Variants in UNC5B observed in about 807,000 individuals in gnomAD.
The protein encoded by UNC5B is unc-5 netrin receptor B.
UNC5B carries 56 observed loss-of-function variants against 103.7 expected under a neutral mutation model. The observed-to-expected ratio is 0.54, with a 90% CI of 0.44 to 0.67. The LOEUF (loss-of-function observed/expected upper bound fraction) is 0.67, where lower values mean the gene tolerates loss of function less well. Ranked by LOEUF, UNC5B falls within the 30% of genes least tolerant of loss-of-function variation. The pLI, the probability that UNC5B is intolerant of heterozygous loss-of-function variation, is 0.00. For synonymous variants in UNC5B, 577 were observed against 542.0 expected (o/e 1.06, Z -0.90); for missense variants, 1,194 against 1,284.5 (o/e 0.93, Z 1.08).
At chr10:71,297,379 G>T (rs952289090) in intron 15 of UNC5B, among the ~76,000 whole-genome samples, 11 of 152,336 alleles carry the variant, frequency 7.2e-5, no homozygotes, top group Middle Eastern at 3.4e-3. Context: ...GACTGGATTC[G>T]AACCCAGGTT....
intron 1 of UNC5B, among the ~76,000 whole-genome samples, chr10:71,249,618 G>A (rs1844127599): frequency 6.6e-6 from 1 of 152,104 alleles, no homozygotes; most frequent in South Asian, 2.1e-4. Flanking sequence ...CTAACTCCAG[G>A]AGAGTCCCCT....
chr10:71,293,388 C>T lies in UNC5B; in HGVS notation c.1773-17C>T. On this transcript the variant is annotated splice_polypyrimidine_tract_variant and intron_variant, in intron 11 of 16. Coordinates refer to ENST00000335350, the MANE Select transcript of UNC5B (RefSeq NM_170744.5). The stretch of plus-strand genomic sequence containing the variant: ...GAGCTCTTCACTGCCTCTCTCCTAC[C>T]CTGTGTCCTCCTCCAGCCCGCTTTC... The T allele has an allele frequency of 6.2e-7, 1 of 1,606,950 alleles. No individual in the cohort carries two copies. The highest frequency in any genetic ancestry group is 8.5e-7 in the Non-Finnish European group (1 of 1,175,818).
rs370803208 is a variant in UNC5B at position 71,285,405 on chromosome 10, G to A, written c.528G>A (p.Pro176=). ...ATGAGGTTCTCCTGCAGTGCCGCCC[G>A]CCGGAGGGGGTGCCTGTGGCCGAGG... ...LDHEVLLQCR[P]PEGVPVAEVE... The change falls in exon 4 of 17, where the codon CCG becomes CCA. Residue 176 remains proline, a synonymous_variant. Coordinates refer to ENST00000335350, the MANE Select transcript of UNC5B (RefSeq NM_170744.5). The A allele has an allele frequency of 1.9e-5, 30 of 1,604,400 alleles. No homozygotes were observed. The African/African-American group carries it at 2.0e-4, about 11-fold the overall frequency.
intron 1 of UNC5B, among the ~76,000 whole-genome samples, chr10:71,226,525 C>A (rs1434502426): frequency 1.3e-5 from 2 of 152,220 alleles, no homozygotes; most frequent in African/African-American, 4.8e-5. Context: ...CTTGTTAGTC[C>A]CGGTTTCCTC....
chr10:71,279,549 G>A (rs926381915), intron 1 of UNC5B, among the ~76,000 whole-genome samples: 31 of 152,206 alleles, frequency 2.0e-4, no homozygotes, highest in African/African-American at 7.2e-4. Context: ...TGGCCTCTCT[G>A]TCTGTAATGA....
At chr10:71,225,658 CAGGGAGTAG>C (rs1843547110) in intron 1 of UNC5B, among the ~76,000 whole-genome samples, 1 of 152,228 alleles carries the variant, frequency 6.6e-6, no homozygotes, top group Non-Finnish European at 1.5e-5. Flanking sequence ...GCAGGACCAG[CAGGGAGTAG>C]AGAGTTAGAG....
chr10:71,276,615 G>T (rs1038024496), intron 1 of UNC5B, among the ~76,000 whole-genome samples: 2 of 152,192 alleles, frequency 1.3e-5, no homozygotes, highest in Non-Finnish European at 2.9e-5. Context: ...TGTATTTTTA[G>T]TAGAGATGGG....
chr10:71,215,021 C>T (rs1361203258), intron 1 of UNC5B, among the ~76,000 whole-genome samples: 2 of 152,344 alleles, frequency 1.3e-5, no homozygotes, highest in East Asian at 3.9e-4. Flanking sequence ...TGGGGTCGGC[C>T]TGCAGCCTTC....
chr10:71,288,613 C>A lies in UNC5B; in HGVS notation c.947C>A (p.Thr316Asn), dbSNP rs1255135397. 1.2e-6 allele frequency: 2 copies of A among 1,614,066 alleles called. No individual in the cohort carries two copies. Among genetic ancestry groups the A allele is most frequent in the Non-Finnish European group, 1.7e-6 (2 of 1,180,036 alleles). ...TGGAGCAAGTGGTCAGCCTGCAGCA[C>A]TGAGTGTGCCCACTGGCGTAGCCGC... is the stretch of plus-strand genomic sequence containing the variant. Reference protein sequence around the residue: ...TEWSKWSACSTECAHWRSREC... With the variant: ...TEWSKWSACSNECAHWRSREC... The change falls in exon 7 of 17, where the codon ACT becomes AAT. Residue 316 changes from threonine to asparagine, a missense_variant. Coordinates refer to ENST00000335350, the MANE Select transcript of UNC5B (RefSeq NM_170744.5).
chr10:71,213,560 AC>A lies in UNC5B; in HGVS notation c.79+497del, dbSNP rs1421916669. Among the ~76,000 whole-genome samples, 18 of 152,184 alleles carry A rather than the reference AC, an allele frequency of 1.2e-4. No homozygotes were observed. The highest frequency in any genetic ancestry group is 1.6e-4 in the Non-Finnish European group (11 of 68,006). ...GAGAGAGCGAAAAGACCTGCTGAAC[AC>A]AGGAAGCGCTTCGGTAGCCTCGGCA... is the stretch of plus-strand genomic sequence containing the variant. On this transcript the variant is annotated intron_variant, in intron 1 of 16. Coordinates refer to ENST00000335350, the MANE Select transcript of UNC5B (RefSeq NM_170744.5). The surrounding 1 kb of genome is among the most constrained non-coding windows in gnomAD (Gnocchi z 4.1).
intron 1 of UNC5B, among the ~76,000 whole-genome samples, chr10:71,277,494 G>C (rs1844799983): frequency 6.6e-6 from 1 of 152,230 alleles, no homozygotes; most frequent in African/African-American, 2.4e-5. Context: ...TGCCCTCCTG[G>C]CTCCATCCTG....
At position 71,213,461 on chromosome 10, in the gene UNC5B, G is replaced by A. The variant is rs889586070; in HGVS notation, c.79+397G>A. Among the ~76,000 whole-genome samples the A allele has an allele frequency of 6.6e-6, 1 of 152,116 alleles. No individual in the cohort carries two copies. Among genetic ancestry groups the A allele is most frequent in the Admixed American group, 6.6e-5 (1 of 15,266 alleles). On this transcript the variant is annotated intron_variant, in intron 1 of 16. Coordinates refer to ENST00000335350, the MANE Select transcript of UNC5B (RefSeq NM_170744.5). The surrounding 1 kb of genome is among the most constrained non-coding windows in gnomAD (Gnocchi z 4.1). Reference sequence around the variant, plus strand: ...AGGTGTGCGCTCGCTGCCGTACGCCGGTAACTTACTAGTCTGGTCCCGGCT... The same window carrying A: ...AGGTGTGCGCTCGCTGCCGTACGCCAGTAACTTACTAGTCTGGTCCCGGCT...
chr10:71,229,110 C>A (rs147697273), intron 1 of UNC5B, among the ~76,000 whole-genome samples: 7 of 152,194 alleles, frequency 4.6e-5, no homozygotes, highest in Non-Finnish European at 1.0e-4. Flanking sequence ...AATGCAGACT[C>A]CTCCACCAAC....
chr10:71,242,497 C>G (rs7918500), intron 1 of UNC5B, among the ~76,000 whole-genome samples: 11,289 of 152,232 alleles, frequency 0.074, 536 homozygotes, highest in East Asian at 0.14. Flanking sequence ...GTCTGCCCCC[C>G]TCTCCCTGGG....
intron 4 of UNC5B, among the ~76,000 whole-genome samples, chr10:71,286,349 T>C (rs1845079626): frequency 6.6e-6 from 1 of 152,250 alleles, no homozygotes; most frequent in African/African-American, 2.4e-5. Flanking sequence ...AGCACCTATT[T>C]AGTTAGTTTA....
intron 1 of UNC5B, among the ~76,000 whole-genome samples, chr10:71,273,108 C>T (rs1404780278): frequency 2.0e-5 from 3 of 152,258 alleles, no homozygotes; most frequent in East Asian, 3.8e-4. Flanking sequence ...AGGCTTGTCT[C>T]GAACTCCTGA....
rs1845533501 is a variant in UNC5B at position 71,299,437 on chromosome 10, C to T, written c.*160C>T. 1 of 831,586 alleles carries T rather than the reference C, an allele frequency of 1.2e-6. No homozygotes were observed. Among genetic ancestry groups the T allele is most frequent in the Non-Finnish European group, 1.8e-6 (1 of 541,924 alleles). The allele number at this position is 831,586 out of a possible 1,614,324, so 51.5% of individuals were successfully genotyped here. On this transcript the variant is annotated 3_prime_UTR_variant, in exon 17 of 17. Transcript: ENST00000335350. ...CCCCAACCCCCAGACCATGACCAGC[C>T]TTAGAAAATCCATGTACTCTGTTGT...
chr10:71,229,522 C>T (rs1459153539), intron 1 of UNC5B, among the ~76,000 whole-genome samples: 1 of 152,186 alleles, frequency 6.6e-6, no homozygotes, highest in African/African-American at 2.4e-5. Context: ...TCTGACCTCT[C>T]AAGGGAAAGG....
chr10:71,294,078 A>G (rs963878875), intron 13 of UNC5B, 145 bp downstream of exon 13: 6 of 725,120 alleles, frequency 8.3e-6, no homozygotes, highest in Middle Eastern at 4.1e-4. Context: ...ACCCTCACAC[A>G]CTGAAACAGC....
Sources: gnomAD v4.1 joint callset for allele counts (sites outside exome capture counted in the v4.1 genomes callset) on GRCh38, gnomAD v4.1.1 for gene constraint, Gnocchi (gnomAD v3.1) non-coding constraint, MANE v1.5 for transcripts, NCBI Gene and HGNC (gene_info 2026-07-23, HGNC 2026-07-21) for gene names.